TCF7L2: variants seen among roughly 807,000 people sequenced by gnomAD.
The protein encoded by TCF7L2 is transcription factor 7-like 2.
TCF7L2 carries 23 observed loss-of-function variants against 77.9 expected under a neutral mutation model. That is an observed-to-expected ratio of 0.30 (90% CI 0.21 to 0.42). TCF7L2 has a LOEUF of 0.42. TCF7L2 is among the 10% of genes least tolerant of loss of function. The pLI is 1.00. For missense variants in TCF7L2, 654 were observed against 793.1 expected (o/e 0.82, Z 2.11); for synonymous variants, 413 against 340.2 (o/e 1.21, Z -2.36).
At chr10:113,117,941 G>A (rs1591925836) in intron 5 of TCF7L2, among the ~76,000 whole-genome samples, 2 of 152,146 alleles carry the variant, frequency 1.3e-5, no homozygotes, top group African/African-American at 4.8e-5. Flanking sequence ...GGCACACAAA[G>A]CGGGCACATT....
rs951466260 is a variant in TCF7L2 at position 113,151,264 on chromosome 10, C to T, written c.1001+141C>T. The stretch of plus-strand genomic sequence containing the variant: ...CAATACCCAGCCTGTGTGGGCTCTT[C>T]ACTCCCTTACAAAGAGAGAGAGAGT... On this transcript the variant is annotated intron_variant, in intron 9 of 13. Coordinates refer to ENST00000627217, the MANE Select transcript of TCF7L2 (RefSeq NM_001146274.2). This position sits in a 1 kb window ranked among gnomAD's most constrained non-coding sequence, Gnocchi z 5.2. 5 of 1,105,466 alleles carry T rather than the reference C, an allele frequency of 4.5e-6. No individual in the cohort carries two copies. In the Admixed American group the frequency reaches 1.1e-4, roughly 24 times the overall value. The allele number at this position is 1,105,466 out of a possible 1,614,324, so 68.5% of individuals were successfully genotyped here.
chr10:113,014,375 G>A (rs1444856797), intron 4 of TCF7L2, among the ~76,000 whole-genome samples: 4 of 152,186 alleles, frequency 2.6e-5, no homozygotes, highest in Non-Finnish European at 4.4e-5. Context: ...GTAGTTTTGC[G>A]AGGGTTAATT....
chr10:113,134,096 T>C (rs1564940864), intron 5 of TCF7L2, among the ~76,000 whole-genome samples: 2 of 152,316 alleles, frequency 1.3e-5, no homozygotes, highest in Non-Finnish European at 1.5e-5. Context: ...TAGCTATCGA[T>C]AGAAGTCTTG....
chr10:113,167,590 AT>A lies in TCF7L2; in HGVS notation c.*1623del. 4.9e-6 allele frequency: 1 copy of A among 204,272 alleles called. No homozygotes were observed. The highest frequency in any genetic ancestry group is 1.0e-5 in the Non-Finnish European group (1 of 99,708). 12.7% of individuals were successfully genotyped at this position (204,272 alleles called of 1,614,324 possible). Reference sequence around the variant, plus strand: ...GTTCATTTTTAATGGTTTGGAAGCCATTTTTGTAATGAATAAATGTTCATGC... The same window carrying A: ...GTTCATTTTTAATGGTTTGGAAGCCATTTTGTAATGAATAAATGTTCATGC... On this transcript the variant is annotated 3_prime_UTR_variant, in exon 14 of 14. Coordinates refer to ENST00000627217, the MANE Select transcript of TCF7L2 (RefSeq NM_001146274.2).
chr10:113,047,468 G>A (rs1050562722), intron 5 of TCF7L2, among the ~76,000 whole-genome samples: 3 of 152,070 alleles, frequency 2.0e-5, no homozygotes, highest in East Asian at 1.9e-4. Context: ...ACAGGCAAAC[G>A]AAATCATTTC....
chr10:113,117,612 T>C (rs2064031554), intron 5 of TCF7L2, among the ~76,000 whole-genome samples: 1 of 152,184 alleles, frequency 6.6e-6, no homozygotes, highest in Non-Finnish European at 1.5e-5. Context: ...AAGAATGATA[T>C]AATTTGTCAT....
intron 5 of TCF7L2, among the ~76,000 whole-genome samples, chr10:113,074,070 G>A (rs1368495242): frequency 6.6e-6 from 1 of 152,188 alleles, no homozygotes; most frequent in Admixed American, 6.5e-5. Flanking sequence ...GGTTTCTGGG[G>A]CGGTCGCAGG....
intron 5 of TCF7L2, among the ~76,000 whole-genome samples, chr10:113,121,709 CACGT>C (rs1344684011): frequency 6.6e-6 from 1 of 151,958 alleles, no homozygotes; most frequent in East Asian, 1.9e-4. Context: ...GGGAAATGCA[CACGT>C]ACGCACTTGC....
chr10:112,950,464 AC>A lies in TCF7L2; in HGVS notation c.-287del. On this transcript the variant is annotated 5_prime_UTR_variant, in exon 1 of 14. Coordinates refer to ENST00000627217, the MANE Select transcript of TCF7L2 (RefSeq NM_001146274.2). The stretch of plus-strand genomic sequence containing the variant: ...TGTTGTTGGTGTTTTTTTTTTTTTT[AC>A]CCCCCTTTTTTATTTATTATTTTTT... 1.1e-5 allele frequency: 1 copy of A among 89,444 alleles called. No homozygotes were observed. The highest frequency in any genetic ancestry group is 2.8e-4 in the South Asian group (1 of 3,622). 5.5% of individuals were successfully genotyped at this position (89,444 alleles called of 1,614,324 possible). A position where few individuals can be genotyped will look rare whatever the true frequency, so the allele number is the denominator to read the frequency against.
intron 5 of TCF7L2, among the ~76,000 whole-genome samples, chr10:113,075,695 G>A (rs1177123389): frequency 6.6e-6 from 1 of 152,162 alleles, no homozygotes; most frequent in Non-Finnish European, 1.5e-5. Context: ...AGCTCCCTGT[G>A]AGCTGAATTT....
rs148694072 is a variant in TCF7L2, at chr10:113,143,107, A to G, written c.686-816A>G. Among the ~76,000 whole-genome samples, 13 of 152,368 alleles carry G rather than the reference A, an allele frequency of 8.5e-5. No homozygotes were observed. In the East Asian group the frequency reaches 2.5e-3, roughly 29 times the overall value. On this transcript the variant is annotated intron_variant, in intron 6 of 13. Transcript: ENST00000627217. ...GCCTCCCACTTCAATGGCATACATC[A>G]ATTCCTCTCTGTCAGAGTGGACTAC...
intron 12 of TCF7L2, 30 bp downstream of exon 12, chr10:113,158,099 G>A (rs887112647): frequency 1.9e-6 from 3 of 1,579,576 alleles, no homozygotes; most frequent in Non-Finnish European, 2.6e-6. Context: ...TTAGAGGAAG[G>A]AGCTGTAGCC....
intron 1 of TCF7L2, 23 bp downstream of exon 1, chr10:112,950,968 G>T (rs2030778113): frequency 6.3e-7 from 1 of 1,596,958 alleles, no homozygotes; most frequent in Non-Finnish European, 8.5e-7. Flanking sequence ...CCTCGGGCTG[G>T]TGGGGTTTTT....
At chr10:113,115,959 T>TA (rs1162958872) in intron 5 of TCF7L2, among the ~76,000 whole-genome samples, 2 of 152,208 alleles carry the variant, frequency 1.3e-5, no homozygotes, top group African/African-American at 4.8e-5. Context: ...TGTGTATCGA[T>TA]ATAGCTCCTT....
chr10:113,072,891 G>A (rs1467288976), intron 5 of TCF7L2, among the ~76,000 whole-genome samples: 1 of 152,154 alleles, frequency 6.6e-6, no homozygotes, highest in Non-Finnish European at 1.5e-5. Context: ...TGATTGTGAT[G>A]GCACTGGGCC....
chr10:113,090,403 G>C (rs76668243), intron 5 of TCF7L2, among the ~76,000 whole-genome samples: 1,564 of 152,270 alleles, frequency 0.01, 16 homozygotes, highest in Non-Finnish European at 0.018. Flanking sequence ...TACAGCCACA[G>C]GGACAGAAAG....
chr10:113,120,049 C>T (rs1232794776), intron 5 of TCF7L2, among the ~76,000 whole-genome samples: 1 of 152,178 alleles, frequency 6.6e-6, no homozygotes, highest in Non-Finnish European at 1.5e-5. Context: ...TGGTCTGTGT[C>T]CCTCGGCTAA....
chr10:113,065,598 GC>G (rs2057142959), intron 5 of TCF7L2, among the ~76,000 whole-genome samples: 1 of 152,166 alleles, frequency 6.6e-6, no homozygotes, highest in South Asian at 2.1e-4. Flanking sequence ...GATAACTGGG[GC>G]TTCTGAAGGG....
chr10:112,988,246 T>A (rs1432632268), intron 4 of TCF7L2, among the ~76,000 whole-genome samples: 1 of 151,884 alleles, frequency 6.6e-6, no homozygotes, highest in Non-Finnish European at 1.5e-5. Flanking sequence ...TACAGGTGCC[T>A]GCCACCAGGC....
Sources: gnomAD v4.1 joint callset for allele counts (sites outside exome capture counted in the v4.1 genomes callset) on GRCh38, gnomAD v4.1.1 for gene constraint, Gnocchi (gnomAD v3.1) non-coding constraint, MANE v1.5 for transcripts, NCBI Gene and HGNC (gene_info 2026-07-23, HGNC 2026-07-21) for gene names.